The following SLC4A11 variants were observed in gnomAD, a reference collection of about 807,000 sequenced individuals.
SLC4A11 encodes solute carrier family 4 member 11.
Under a neutral mutation model 95.0 loss-of-function variants are expected in SLC4A11, and 74 were observed. That is an observed-to-expected ratio of 0.78 (90% CI 0.65 to 0.95). SLC4A11 has a LOEUF of 0.95. Among genes scored for constraint, SLC4A11 ranks in the 40% least tolerant of loss-of-function variants. The pLI is 0.00. For missense variants in SLC4A11, 1,081 were observed against 1,192.4 expected (o/e 0.91, Z 1.38); for synonymous variants, 548 against 519.0 (o/e 1.06, Z -0.76).
upstream of SLC4A11, chr20:3,239,235 G>A (rs2068082655): frequency 4.6e-6 from 6 of 1,306,844 alleles, no homozygotes; most frequent in South Asian, 1.0e-4. Flanking sequence ...GCGGGAGCCG[G>A]CGACACACCC....
At chr20:3,239,053 C>G (rs1482249427) in intron 1 of SLC4A11, 42 bp downstream of exon 1, 1 of 1,469,800 alleles carries the variant, frequency 6.8e-7, no homozygotes, top group African/African-American at 1.5e-5. Flanking sequence ...TGGCGGAGAC[C>G]CGGGCGGCCT....
At position 3,228,559 on chromosome 20, in the gene SLC4A11, C is replaced by T. The variant is rs753148103; in HGVS notation, c.2341G>A (p.Asp781Asn). 6 of 1,613,058 alleles carry T rather than the reference C, an allele frequency of 3.7e-6. No individual in the cohort carries two copies. The highest frequency in any genetic ancestry group is 2.7e-5 in the African/African-American group (2 of 74,930). The stretch of plus-strand genomic sequence containing the variant: ...ACGCGCTGGACGAGCTGGTTGCCAT[C>T]GAGGGAGGTGAGCGCGATGTAGAGG... ...LFLYIALTSL[D>N]GNQLVQRVAL... Residue 781 changes from aspartate to asparagine, a missense_variant, in exon 18 of 20, where the codon GAT becomes AAT. Physicochemically the swap from Asp to Asn is conservative, Grantham distance 23. Around this residue, in one of 3 missense-constraint regions of SLC4A11, gnomAD observed 767 missense variants for 858.0 expected, o/e 0.89. Coordinates refer to ENST00000642402, the MANE Select transcript of SLC4A11 (RefSeq NM_001174089.2).
intron 1 of SLC4A11, 41 bp from the exon 2 acceptor site, chr20:3,237,629 G>C (rs1433933713): frequency 1.2e-6 from 2 of 1,613,946 alleles, no homozygotes; most frequent in African/African-American, 2.7e-5. Context: ...CATGGACCAA[G>C]CCCTGGACCT....
rs769436760 is a variant in SLC4A11, at chr20:3,229,758, T to C, written c.1508A>G (p.Tyr503Cys). The change falls in exon 14 of 20, where the codon TAT (tyrosine) becomes TGT (cysteine). Residue 503 changes from tyrosine (Y) to cysteine (C), a missense_variant. By Grantham distance (194) the Tyr-to-Cys change is radical (BLOSUM62 -2). Coordinates refer to ENST00000642402, the MANE Select transcript of SLC4A11 (RefSeq NM_001174089.2). ...GTVKIFWKYY[Y>C]GHYLDDYHTK... is the part of the protein sequence containing the mutation. ...GTGATAGTCGTCCAAGTAATGCCCA[T>C]AGTAGTACTTCCAGAAGACTGTGGA... 1.4e-5 allele frequency: 23 copies of C among 1,613,776 alleles called. No individual in the cohort carries two copies. The highest frequency in any genetic ancestry group is 1.8e-5 in the Non-Finnish European group (21 of 1,179,984).
At position 3,227,726 on chromosome 20, in the gene SLC4A11, C is replaced by T; in HGVS notation, c.*61G>A. 1 of 1,580,176 alleles carries T rather than the reference C, an allele frequency of 6.3e-7. No individual in the cohort carries two copies. The highest frequency in any genetic ancestry group is 8.7e-7 in the Non-Finnish European group (1 of 1,155,770). On this transcript the variant is annotated 3_prime_UTR_variant, in exon 20 of 20. Transcript: ENST00000642402. ...CACACCTACACCTCCCCTCACAGCT[C>T]CAGAGCCAGCCTGGGAGGACGTGGA...
chr20:3,229,030 C>A lies in SLC4A11; in HGVS notation c.2019-19G>T. The stretch of plus-strand genomic sequence containing the variant: ...CACCAGCCTGCAGCAGACGGGCACT[C>A]GTGGACAGAGCCCCACAGCAGAGGC... On this transcript the variant is annotated intron_variant, in intron 16 of 19. Transcript: ENST00000642402. 6.2e-7 allele frequency: 1 copy of A among 1,609,838 alleles called. No homozygotes were observed. Among genetic ancestry groups the A allele is most frequent in the South Asian group, 1.1e-5 (1 of 90,548 alleles).
At chr20:3,229,060 G>GGGCCCCCCCCCCCCCCCCCCCCCCCCCCA in intron 16 of SLC4A11, 35 bp downstream of exon 16, 1 of 1,542,146 alleles carries the variant, frequency 6.5e-7, no homozygotes, top group Non-Finnish European at 8.7e-7. Flanking sequence ...AGAGGCCCGG[G>GGGCCCCCCCCCCCCCCCCCCCCCCCCCCA]CCCCGCCCAC....
intron 1 of SLC4A11, chr20:3,238,133 C>A (rs2068046664): frequency 2.8e-6 from 4 of 1,451,376 alleles, no homozygotes; most frequent in Non-Finnish European, 3.6e-6. Flanking sequence ...GCAACGGTCT[C>A]CAGTCCTGGG....
intron 1 of SLC4A11, 31 bp from the exon 2 acceptor site, chr20:3,237,619 C>G: frequency 1.9e-6 from 3 of 1,614,124 alleles, no homozygotes; most frequent in Non-Finnish European, 2.5e-6. Flanking sequence ...TCACCAGCCC[C>G]ATGGACCAAG....
In SLC4A11 at chr20:3,229,724, C is replaced by A; in HGVS notation, c.1542G>T (p.Arg514Ser). ...CTGACAGGCTGACAAGGGATGAAGT[C>A]CTTTTTGTGTGATAGTCGTCCAAGT... Reference protein sequence around the residue: ...GHYLDDYHTKRTSSLVSLSGL... With the variant: ...GHYLDDYHTKSTSSLVSLSGL... Residue 514 changes from arginine (R) to serine (S), a missense_variant, in exon 14 of 20, where the codon AGG (arginine) becomes AGT (serine). By Grantham distance (110) the Arg-to-Ser change is moderately radical (BLOSUM62 -1). Around this residue, in one of 3 missense-constraint regions of SLC4A11, gnomAD observed 767 missense variants for 858.0 expected, o/e 0.89. Transcript: ENST00000642402. 1 of 1,613,992 alleles carries A rather than the reference C, an allele frequency of 6.2e-7. No individual in the cohort carries two copies. Among genetic ancestry groups the A allele is most frequent in the Non-Finnish European group, 8.5e-7 (1 of 1,180,006 alleles).
rs1200106226 is a variant in SLC4A11 at position 3,234,759 on chromosome 20, A to C, written c.224T>G (p.Met75Arg). ...IRFFVNVNLE[M>R]QATNTENEAT... is the part of the protein sequence containing the mutation. ...CCCCATACCAGTGTTGGTGGCCTGC[A>C]TCTCAAGGTTGACATTGACAAAAAA... The change falls in exon 3 of 20, where the codon ATG becomes AGG. Residue 75 changes from methionine (M) to arginine (R), a missense_variant. Physicochemically the swap from Met to Arg is moderately conservative, Grantham distance 91. This residue lies in a region of SLC4A11 where 310 missense variants were observed against 313.5 expected (regional missense o/e 0.99). Coordinates refer to ENST00000642402, the MANE Select transcript of SLC4A11 (RefSeq NM_001174089.2). The surrounding 1 kb of genome is among the most constrained non-coding windows in gnomAD (Gnocchi z 5.8). 6.2e-7 allele frequency: 1 copy of C among 1,614,010 alleles called. No individual in the cohort carries two copies. The highest frequency in any genetic ancestry group is 1.3e-5 in the African/African-American group (1 of 75,024).
At chr20:3,235,584 G>T (rs1568544646) in intron 2 of SLC4A11, among the ~76,000 whole-genome samples, 1 of 152,142 alleles carries the variant, frequency 6.6e-6, no homozygotes, top group Non-Finnish European at 1.5e-5. Flanking sequence ...AGGGCACATG[G>T]AGAGTGAGGG....
chr20:3,236,581 T>TCAAAA lies in SLC4A11; in HGVS notation c.88+958_88+962dup, dbSNP rs59236399. ...TCCAGCCTGGGCGACAGAGCGAGAC[T>TCAAAA]CAAAACAAAACAAAACAAAACAAAA... On this transcript the variant is annotated intron_variant, in intron 2 of 19. Transcript: ENST00000642402. 2.9e-3 allele frequency among the ~76,000 whole-genome samples: 435 copies of TCAAAA among 150,378 alleles called. 1 individual carries two copies. Among genetic ancestry groups the TCAAAA allele is most frequent in the East Asian group, 0.012 (59 of 5,002 alleles).
Position 3,234,794 on chromosome 20 carries a change from C to G in SLC4A11, c.189G>C (p.Glu63Asp). The change falls in exon 3 of 20, where the codon GAG becomes GAC. Residue 63 changes from glutamate (E) to aspartate (D), a missense_variant. Transcript: ENST00000642402. The surrounding 1 kb of genome is among the most constrained non-coding windows in gnomAD (Gnocchi z 5.8). ...DTANSSIVSG[E>D]SIRFFVNVNL... ...TGACATTGACAAAAAAACGGATACT[C>G]TCGCCAGACACGATGGAGGAGTTGG... 2 of 1,614,072 alleles carry G rather than the reference C, an allele frequency of 1.2e-6. No individual in the cohort carries two copies. Among genetic ancestry groups the G allele is most frequent in the Non-Finnish European group, 1.7e-6 (2 of 1,180,032 alleles).
chr20:3,231,586 G>T lies in SLC4A11; in HGVS notation c.730-38C>A, dbSNP rs760526067. The T allele has an allele frequency of 1.4e-6, 2 of 1,437,196 alleles. No homozygotes were observed. The highest frequency in any genetic ancestry group is 4.7e-5 in the East Asian group (2 of 42,418). 89.0% of individuals were successfully genotyped at this position (1,437,196 alleles called of 1,614,324 possible). Reference sequence around the variant, plus strand: ...GATGGGAGTCACCCCTAGAAACAGAGGAGGCCCTGCCCGGGCCGAGCAGGT... The same window carrying T: ...GATGGGAGTCACCCCTAGAAACAGATGAGGCCCTGCCCGGGCCGAGCAGGT... On this transcript the variant is annotated intron_variant, in intron 7 of 19. Transcript: ENST00000642402. This position sits in a 1 kb window ranked among gnomAD's most constrained non-coding sequence, Gnocchi z 5.2.
chr20:3,235,037 G>T, intron 2 of SLC4A11, 143 bp from the exon 3 acceptor site: 1 of 940,238 alleles, frequency 1.1e-6, no homozygotes, highest in Non-Finnish European at 1.6e-6. Context: ...GGCGAGGAAG[G>T]CAGCTTCTAG....
Position 3,231,291 on chromosome 20 carries a change from C to G in SLC4A11, c.948+39G>C. ...GTTAGCCCTGTCCGGCCCATGCCCC[C>G]GCCGACCCTGCCGGCCCCCGCCGGC... is the stretch of plus-strand genomic sequence containing the variant. On this transcript the variant is annotated intron_variant, in intron 8 of 19. Transcript: ENST00000642402. This position sits in a 1 kb window ranked among gnomAD's most constrained non-coding sequence, Gnocchi z 5.2. 1.2e-6 allele frequency: 2 copies of G among 1,613,402 alleles called. No individual in the cohort carries two copies. Among genetic ancestry groups the G allele is most frequent in the Non-Finnish European group, 1.7e-6 (2 of 1,179,912 alleles).
intron 2 of SLC4A11, among the ~76,000 whole-genome samples, chr20:3,236,486 G>A (rs1428742884): frequency 6.6e-6 from 1 of 152,158 alleles, no homozygotes; most frequent in African/African-American, 2.4e-5. Flanking sequence ...CTACTCGGGA[G>A]GCTGAGGCAG....
chr20:3,230,338 CA>C (rs2067714381), intron 12 of SLC4A11, 78 bp from the exon 13 acceptor site: 1 of 1,583,522 alleles, frequency 6.3e-7, no homozygotes, highest in East Asian at 2.2e-5. Context: ...AGCCCCTGCA[CA>C]GTCCCCTGCC....
Sources: gnomAD v4.1 joint callset for allele counts (sites outside exome capture counted in the v4.1 genomes callset) on GRCh38, gnomAD v4.1.1 for gene constraint, gnomAD v4.1.1 regional missense constraint, Gnocchi (gnomAD v3.1) non-coding constraint, MANE v1.5 for transcripts, NCBI Gene and HGNC (gene_info 2026-07-23, HGNC 2026-07-21) for gene names.